Variants in CUBN observed in about 807,000 individuals in gnomAD.
CUBN encodes 460 kDa receptor.
Under a neutral mutation model 405.3 loss-of-function variants are expected in CUBN, and 282 were observed. The observed-to-expected ratio is 0.70, with a 90% CI of 0.63 to 0.77. The LOEUF (loss-of-function observed/expected upper bound fraction) is 0.77. Among genes scored for constraint, CUBN ranks in the 30% least tolerant of loss-of-function variants. The pLI is 0.00. For synonymous variants in CUBN, 1,684 were observed against 1,617.0 expected (o/e 1.04, Z -0.99); for missense variants, 4,514 against 4,475.2 (o/e 1.01, Z -0.25).
At chr10:16,845,331 G>T (rs891599558) in intron 60 of CUBN, among the ~76,000 whole-genome samples, 3 of 152,196 alleles carry the variant, frequency 2.0e-5, no homozygotes, top group Admixed American at 2.0e-4. Flanking sequence ...GATCACAAGA[G>T]GATTTTGATA....
chr10:16,903,361 C>A (rs957422750), intron 51 of CUBN, among the ~76,000 whole-genome samples: 3 of 152,024 alleles, frequency 2.0e-5, no homozygotes, highest in Admixed American at 2.0e-4. Flanking sequence ...ATAGTCACAT[C>A]CAGGTCAGAA....
intron 55 of CUBN, 130 bp from the exon 56 acceptor site, chr10:16,888,696 C>A: frequency 1.3e-6 from 1 of 793,276 alleles, no homozygotes; most frequent in Non-Finnish European, 2.2e-6. Context: ...ATGGAAGAAG[C>A]AAGAATGAAG....
intron 27 of CUBN, among the ~76,000 whole-genome samples, chr10:17,039,195 T>C (rs1834963590): frequency 6.6e-6 from 1 of 152,226 alleles, no homozygotes; most frequent in South Asian, 2.1e-4. Context: ...CACACTGTTA[T>C]ACGTGCAACG....
intron 22 of CUBN, among the ~76,000 whole-genome samples, chr10:17,050,967 C>T (rs1278597101): frequency 6.6e-6 from 1 of 152,004 alleles, no homozygotes; most frequent in East Asian, 1.9e-4. Flanking sequence ...AGAGTGTCTA[C>T]AACACATAAT....
intron 60 of CUBN, among the ~76,000 whole-genome samples, chr10:16,841,910 CAAAAAAA>C (rs11354893): frequency 1.1e-5 from 1 of 93,738 alleles, no homozygotes; most frequent in African/African-American, 3.9e-5. Context: ...AAGACTGTCT[CAAAAAAA>C]AAAAAAAAAA....
chr10:17,002,127 G>A (rs746886143), intron 28 of CUBN, among the ~76,000 whole-genome samples: 1 of 151,918 alleles, frequency 6.6e-6, no homozygotes, highest in African/African-American at 2.4e-5. Flanking sequence ...GTCGAAAAGA[G>A]AAACCTCTGG....
At chr10:16,934,056 G>A (rs1564432375) in intron 39 of CUBN, among the ~76,000 whole-genome samples, 3 of 152,102 alleles carry the variant, frequency 2.0e-5, no homozygotes, top group African/African-American at 7.2e-5. Flanking sequence ...GCTGTTTTCT[G>A]GACCTCTGCG....
At position 16,882,945 on chromosome 10, in the gene CUBN, C is replaced by T. The variant is rs575217416; in HGVS notation, c.8905+5472G>A. Among the ~76,000 whole-genome samples the T allele has an allele frequency of 1.5e-4, 22 of 151,690 alleles. No homozygotes were observed. The South Asian group carries it at 3.5e-3, about 24-fold the overall frequency. Reference sequence around the variant, plus strand: ...ATGAGAATTGCTTGAACCTGGGAAGCGGAGGTTGCAGTGAGCTGAGATCGC... The same window carrying T: ...ATGAGAATTGCTTGAACCTGGGAAGTGGAGGTTGCAGTGAGCTGAGATCGC... On this transcript the variant is annotated intron_variant, in intron 56 of 66. Coordinates refer to ENST00000377833, the MANE Select transcript of CUBN (RefSeq NM_001081.4).
At chr10:16,889,739 CAA>C (rs1212566335) in intron 55 of CUBN, among the ~76,000 whole-genome samples, 1 of 137,960 alleles carries the variant, frequency 7.2e-6, no homozygotes. Flanking sequence ...ACTAAAAATA[CAA>C]AAAAAAAAAA....
At chr10:16,899,616 T>A (rs1316955586) in intron 53 of CUBN, among the ~76,000 whole-genome samples, 3 of 152,218 alleles carry the variant, frequency 2.0e-5, no homozygotes, top group African/African-American at 7.2e-5. Context: ...GAAAGTGATT[T>A]TGAGTTGGGG....
chr10:16,891,680 T>C (rs1244445364), intron 54 of CUBN, among the ~76,000 whole-genome samples: 1 of 151,810 alleles, frequency 6.6e-6, no homozygotes, highest in Non-Finnish European at 1.5e-5. Context: ...AAGGAAAGTA[T>C]GCATATTAGG....
At chr10:16,834,337 C>T (rs903691672) in intron 64 of CUBN, among the ~76,000 whole-genome samples, 23 of 151,952 alleles carry the variant, frequency 1.5e-4, no homozygotes, top group Admixed American at 5.2e-4. Context: ...GCCCACGAGG[C>T]GCATGGTTCT....
chr10:16,908,761 T>C (rs1445385334), intron 48 of CUBN, among the ~76,000 whole-genome samples: 1 of 152,228 alleles, frequency 6.6e-6, no homozygotes, highest in African/African-American at 2.4e-5. Flanking sequence ...ATGGTTGATA[T>C]TCCCATTTTT....
chr10:16,852,700 C>T (rs530131521), intron 59 of CUBN, among the ~76,000 whole-genome samples: 14 of 152,024 alleles, frequency 9.2e-5, no homozygotes, highest in Non-Finnish European at 1.5e-4. Context: ...CAGTTTTATA[C>T]AAAATCAAGT....
intron 40 of CUBN, among the ~76,000 whole-genome samples, chr10:16,929,638 A>G (rs1477422624): frequency 6.6e-6 from 1 of 152,152 alleles, no homozygotes; most frequent in Non-Finnish European, 1.5e-5. Context: ...CATTCTTTGG[A>G]GGGTTTCTGA....
intron 44 of CUBN, among the ~76,000 whole-genome samples, chr10:16,919,488 CT>C (rs1305713649): frequency 1.3e-5 from 2 of 152,126 alleles, no homozygotes; most frequent in African/African-American, 4.8e-5. Flanking sequence ...TTTTGTAATC[CT>C]TTCAGAACTC....
At position 16,918,622 on chromosome 10, in the gene CUBN, CT is replaced by C; in HGVS notation, c.6999del (p.Ile2333MetfsTer87). 2 of 1,612,124 alleles carry C rather than the reference CT, an allele frequency of 1.2e-6. No individual in the cohort carries two copies. Among genetic ancestry groups the C allele is most frequent in the Non-Finnish European group, 1.7e-6 (2 of 1,178,564 alleles). Reference sequence around the variant, plus strand: ...ATAAAAGTTTTAAAAAAATTATTACCTATAGAATACTTGGCCTTGAATCCCA... The same window carrying C: ...ATAAAAGTTTTAAAAAAATTATTACCATAGAATACTTGGCCTTGAATCCCA... Reference protein sequence around the residue: ...THVGFKAKYSIAQCGGRVPGQ... With the variant: ...THVGFKAKYSXAQCGGRVPGQ... On this transcript the variant is annotated frameshift_variant and splice_region_variant, in exon 45 of 67. Coordinates refer to ENST00000377833, the MANE Select transcript of CUBN (RefSeq NM_001081.4). LOFTEE classifies it high-confidence loss of function.
At position 17,039,647 on chromosome 10, in the gene CUBN, G is replaced by A. The variant is rs146853080; in HGVS notation, c.4017+1386C>T. ...GTAGTATCTTAATGATACCATCCTG[G>A]TATCATTAAGCTTGTGAAGACCAGT... On this transcript the variant is annotated intron_variant, in intron 27 of 66. Coordinates refer to ENST00000377833, the MANE Select transcript of CUBN (RefSeq NM_001081.4). Among the ~76,000 whole-genome samples the A allele has an allele frequency of 6.5e-3, 996 of 152,194 alleles. 11 individuals are homozygous for A. Among genetic ancestry groups the A allele is most frequent in the African/African-American group, 0.023 (959 of 41,520 alleles).
chr10:16,868,674 C>G (rs544980239), intron 59 of CUBN, among the ~76,000 whole-genome samples: 87 of 152,190 alleles, frequency 5.7e-4, no homozygotes, highest in African/African-American at 1.9e-3. Flanking sequence ...GTATTTCTCA[C>G]CAGTGGTGTT....
Sources: allele counts gnomAD v4.1 joint callset (sites outside exome capture counted in the v4.1 genomes callset), GRCh38; gene constraint gnomAD v4.1.1; transcripts MANE v1.5; gene names NCBI Gene and HGNC (gene_info 2026-07-23, HGNC 2026-07-21).